CLVS1: variants seen among roughly 807,000 people sequenced by gnomAD.
The protein encoded by CLVS1 is clavesin 1, also known as clavesin-1.
A neutral mutation model predicts 33.1 loss-of-function variants in CLVS1; 10 were observed. That is an observed-to-expected ratio of 0.30 (90% CI 0.19 to 0.51). The LOEUF is 0.51. Ranked by LOEUF, CLVS1 falls within the 20% of genes least tolerant of loss-of-function variation. The probability of loss-of-function intolerance (pLI) is 0.97; values close to 1 mark genes in which losing one functional copy is unlikely to be tolerated. For synonymous variants in CLVS1, 163 were observed against 166.1 expected (o/e 0.98, Z 0.14); for missense variants, 343 against 433.4 (o/e 0.79, Z 1.85).
chr8:61,397,398 T>C (rs115643888), intron 3 of CLVS1, among the ~76,000 whole-genome samples: 3,147 of 152,298 alleles, frequency 0.021, 89 homozygotes, highest in African/African-American at 0.071. Flanking sequence ...ATTTTTTTAA[T>C]TTTGGAGTTA....
upstream of CLVS1, among the ~76,000 whole-genome samples, chr8:61,285,324 G>A (rs188381438): frequency 6.6e-6 from 1 of 152,238 alleles, no homozygotes; most frequent in East Asian, 1.9e-4. Flanking sequence ...AGGAAACTGG[G>A]CTACTTTGAT....
At chr8:61,025,064 G>A in the CLVS1 span, among the ~76,000 whole-genome samples, 1 of 152,052 alleles carries the variant, frequency 6.6e-6, no homozygotes, top group Non-Finnish European at 1.5e-5. Context: ...TGCCAAGCTG[G>A]TCTTGAACTC....
At chr8:61,416,631 C>A (rs1020460481) in intron 3 of CLVS1, among the ~76,000 whole-genome samples, 1 of 152,140 alleles carries the variant, frequency 6.6e-6, no homozygotes, top group African/African-American at 2.4e-5. Flanking sequence ...AGGAACAAAC[C>A]TTCACTGACC....
chr8:61,230,276 G>A (rs947551235), intron 2 of CLVS1, among the ~76,000 whole-genome samples: 7 of 152,068 alleles, frequency 4.6e-5, no homozygotes, highest in East Asian at 1.9e-4. Flanking sequence ...ATGTTAATAC[G>A]AACAGAGGGA....
At chr8:61,452,876 A>G (rs933435397) in intron 3 of CLVS1, among the ~76,000 whole-genome samples, 3 of 152,080 alleles carry the variant, frequency 2.0e-5, no homozygotes. Flanking sequence ...GTGCAGTTTC[A>G]TGTACTCACA....
At chr8:61,163,447 A>G (rs1806790162) in intron 2 of CLVS1, among the ~76,000 whole-genome samples, 1 of 152,128 alleles carries the variant, frequency 6.6e-6, no homozygotes. Context: ...GGATCTTTTG[A>G]CTTAGAAAGA....
At chr8:61,489,822 A>G (rs185012123) in intron 5 of CLVS1, among the ~76,000 whole-genome samples, 1 of 152,352 alleles carries the variant, frequency 6.6e-6, no homozygotes, top group Admixed American at 6.5e-5. Flanking sequence ...TGTGGTGCAC[A>G]TCTGGAATAT....
At chr8:61,342,726 GCCATTTAGAAAA>G (rs1420896423) in intron 2 of CLVS1, among the ~76,000 whole-genome samples, 2 of 152,212 alleles carry the variant, frequency 1.3e-5, no homozygotes, top group African/African-American at 4.8e-5. Context: ...ATCACATGCA[GCCATTTAGAAAA>G]GAACTCTGGC....
chr8:61,418,247 T>C (rs1815519949), intron 3 of CLVS1, among the ~76,000 whole-genome samples: 1 of 152,184 alleles, frequency 6.6e-6, no homozygotes, highest in South Asian at 2.1e-4. Flanking sequence ...TGTGCAACTG[T>C]AATCCTTGCT....
chr8:61,483,240 T>TA (rs1476334740), intron 5 of CLVS1, among the ~76,000 whole-genome samples: 3 of 151,952 alleles, frequency 2.0e-5, no homozygotes, highest in African/African-American at 7.3e-5. Flanking sequence ...ATAGATGCAA[T>TA]AAAAAATGAC....
At chr8:61,003,288 G>C in the CLVS1 span, among the ~76,000 whole-genome samples, 5 of 152,178 alleles carry the variant, frequency 3.3e-5, no homozygotes, top group Non-Finnish European at 7.4e-5. Context: ...AAAAGAAAAA[G>C]TATGGTTCTG....
chr8:61,196,485 A>T (rs563274416), intron 2 of CLVS1, among the ~76,000 whole-genome samples: 9 of 151,546 alleles, frequency 5.9e-5, no homozygotes, highest in South Asian at 2.1e-4. Context: ...TGGCTTAATT[A>T]AAAAAAAATG....
At chr8:61,279,394 A>G (rs767440573) in intron 2 of CLVS1, among the ~76,000 whole-genome samples, 2 of 152,124 alleles carry the variant, frequency 1.3e-5, no homozygotes, top group African/African-American at 4.8e-5. Context: ...CCAAAGACCA[A>G]TTCCCTCTTT....
rs369303612 is a variant in CLVS1 at position 61,099,052 on chromosome 8, C to G, written c.-242-32718C>G. On this transcript the variant is annotated intron_variant, in intron 1 of 2. Transcript: ENST00000522621. ...TTCTCTTACATAGAATCAGGAAATT[C>G]CATTTGGCCAAGCAGAAATGAAACT... 7.2e-5 allele frequency among the ~76,000 whole-genome samples: 11 copies of G among 152,188 alleles called. No homozygotes were observed. In the East Asian group the frequency reaches 1.9e-3, roughly 27 times the overall value.
chr8:61,194,051 A>G (rs1385700964), intron 2 of CLVS1, among the ~76,000 whole-genome samples: 2 of 70,636 alleles, frequency 2.8e-5, no homozygotes, highest in East Asian at 2.1e-4. Flanking sequence ...TAAATACTAT[A>G]TAAGAGAAAG....
intron 2 of CLVS1, among the ~76,000 whole-genome samples, chr8:61,146,482 G>A (rs1225103170): frequency 1.3e-5 from 2 of 152,160 alleles, no homozygotes; most frequent in African/African-American, 4.8e-5. Flanking sequence ...TCTGTGCCCA[G>A]GCCCATGGAA....
intron 2 of CLVS1, among the ~76,000 whole-genome samples, chr8:61,173,766 G>A (rs1254619430): frequency 6.6e-6 from 1 of 152,166 alleles, no homozygotes; most frequent in African/African-American, 2.4e-5. Context: ...GTGTATAGAG[G>A]AAACTTTGGA....
intron 2 of CLVS1, among the ~76,000 whole-genome samples, chr8:61,365,776 C>CGT (rs112942345): frequency 3.8e-3 from 417 of 110,688 alleles, no homozygotes; most frequent in Non-Finnish European, 6.5e-3. Flanking sequence ...TGTGTGTGTG[C>CGT]GTGTGTGTGT....
intron 2 of CLVS1, among the ~76,000 whole-genome samples, chr8:61,239,135 T>G (rs7827323): frequency 0.12 from 17,624 of 152,224 alleles, 1,919 homozygotes; most frequent in African/African-American, 0.29. Flanking sequence ...AATAACTCCT[T>G]AAATAGCATG....
Sources: allele counts gnomAD v4.1 joint callset (sites outside exome capture counted in the v4.1 genomes callset), GRCh38; gene constraint gnomAD v4.1.1; transcripts MANE v1.5; gene names NCBI Gene and HGNC (gene_info 2026-07-23, HGNC 2026-07-21).